Variants in COL21A1 observed in about 807,000 individuals in gnomAD.
The protein encoded by COL21A1 is collagen type XXI alpha 1 chain.
In COL21A1, 149 loss-of-function variants were observed where a neutral mutation model predicts 137.9. That is an observed-to-expected ratio of 1.08 (90% CI 0.95 to 1.24). The LOEUF is 1.24. Among genes scored for constraint, COL21A1 ranks in the 50% most tolerant of loss-of-function variants. The probability of loss-of-function intolerance (pLI) is 0.00; values close to 1 mark genes in which losing one functional copy is unlikely to be tolerated. For synonymous variants in COL21A1, 456 were observed against 391.5 expected (o/e 1.16, Z -1.95); for missense variants, 1,167 against 1,158.4 (o/e 1.01, Z -0.11).
intron 12 of COL21A1, among the ~76,000 whole-genome samples, chr6:56,130,521 A>G (rs1773476233): frequency 6.6e-6 from 1 of 152,104 alleles, no homozygotes; most frequent in South Asian, 2.1e-4. Flanking sequence ...TTAAGGCTGA[A>G]CAAAGTCCAA....
chr6:56,264,744 G>T (rs1298542907), intron 1 of COL21A1, among the ~76,000 whole-genome samples: 3 of 152,042 alleles, frequency 2.0e-5, no homozygotes, highest in African/African-American at 7.2e-5. Context: ...CCATTCTCCT[G>T]TACACCCTAA....
chr6:56,191,502 G>GA (rs1396786673), intron 1 of COL21A1, among the ~76,000 whole-genome samples: 1 of 147,792 alleles, frequency 6.8e-6, no homozygotes, highest in Non-Finnish European at 1.5e-5. Flanking sequence ...TGAGGCAGGA[G>GA]AAATGCTTGA....
At chr6:56,260,689 AAGGCAGGC>A (rs1299399802) in intron 1 of COL21A1, among the ~76,000 whole-genome samples, 5 of 104,808 alleles carry the variant, frequency 4.8e-5, no homozygotes, top group South Asian at 3.3e-4. Context: ...GGAAGGAAGG[AAGGCAGGC>A]AGGCAGGCAG....
intron 1 of COL21A1, among the ~76,000 whole-genome samples, chr6:56,336,406 A>G (rs919541759): frequency 6.6e-6 from 1 of 152,226 alleles, no homozygotes; most frequent in African/African-American, 2.4e-5. Context: ...TAATTAGTCT[A>G]TGTGGATACT....
At chr6:56,286,414 CATACAA>C (rs1763915703) in intron 1 of COL21A1, among the ~76,000 whole-genome samples, 1 of 152,142 alleles carries the variant, frequency 6.6e-6, no homozygotes, top group Non-Finnish European at 1.5e-5. Context: ...TACACGTACA[CATACAA>C]ATACCCATGC....
intron 1 of COL21A1, among the ~76,000 whole-genome samples, chr6:56,235,182 T>C (rs1204175493): frequency 1.3e-5 from 2 of 151,898 alleles, no homozygotes; most frequent in South Asian, 2.1e-4. Context: ...AATCTGTATA[T>C]GCAATAAAGA....
intron 1 of COL21A1, among the ~76,000 whole-genome samples, chr6:56,238,964 A>T (rs1782087357): frequency 6.6e-6 from 1 of 152,188 alleles, no homozygotes; most frequent in South Asian, 2.1e-4. Flanking sequence ...CCATACTATG[A>T]AGTAGGTCCT....
intron 1 of COL21A1, among the ~76,000 whole-genome samples, chr6:56,307,744 C>T (rs528850526): frequency 1.4e-4 from 22 of 152,260 alleles, no homozygotes; most frequent in East Asian, 7.8e-4. Flanking sequence ...ACCCGCTTTC[C>T]GACACTCCCC....
chr6:56,155,254 A>T (rs547983109), intron 10 of COL21A1, among the ~76,000 whole-genome samples: 10 of 152,350 alleles, frequency 6.6e-5, no homozygotes, highest in South Asian at 2.1e-4. Flanking sequence ...CTGTTTATCC[A>T]TCCTCTTCCC....
At chr6:56,388,550 G>C (rs2094023010) in intron 1 of COL21A1, among the ~76,000 whole-genome samples, 1 of 152,198 alleles carries the variant, frequency 6.6e-6, no homozygotes, top group Admixed American at 6.5e-5. Context: ...AGTGCTTCTG[G>C]ATTTGGGGAA....
chr6:56,198,739 C>T (rs1382726741), intron 1 of COL21A1, among the ~76,000 whole-genome samples: 3 of 152,032 alleles, frequency 2.0e-5, no homozygotes, highest in Non-Finnish European at 4.4e-5. Context: ...AGCTCATCTT[C>T]CTTCTCAGTA....
At chr6:56,196,600 A>G (rs562913900) in intron 1 of COL21A1, among the ~76,000 whole-genome samples, 1 of 152,228 alleles carries the variant, frequency 6.6e-6, no homozygotes, top group Admixed American at 6.5e-5. Flanking sequence ...TTAAGAAAGG[A>G]ATATAATTTA....
intron 1 of COL21A1, among the ~76,000 whole-genome samples, chr6:56,264,132 G>A (rs1181049679): frequency 2.6e-5 from 4 of 152,018 alleles, no homozygotes; most frequent in Non-Finnish European, 5.9e-5. Flanking sequence ...AGTCTCCTTG[G>A]AACTATTTAT....
chr6:56,389,014 A>G (rs933142350), intron 1 of COL21A1, among the ~76,000 whole-genome samples: 2 of 152,238 alleles, frequency 1.3e-5, no homozygotes, highest in African/African-American at 4.8e-5. Context: ...TCCCAAGAGC[A>G]GAATTGATCA....
chr6:56,337,495 C>T (rs11961222), intron 1 of COL21A1, among the ~76,000 whole-genome samples: 24,985 of 152,216 alleles, frequency 0.16, 2,918 homozygotes, highest in African/African-American at 0.33. Flanking sequence ...GTTCTTAATT[C>T]TTATTCTCAA....
At chr6:56,106,628 T>C (rs888489724) in intron 16 of COL21A1, among the ~76,000 whole-genome samples, 4 of 152,044 alleles carry the variant, frequency 2.6e-5, no homozygotes, top group Admixed American at 6.6e-5. Context: ...CAGGTCAAAA[T>C]ATATACAGGA....
chr6:56,058,914 G>T (rs1387421296), intron 29 of COL21A1, among the ~76,000 whole-genome samples: 3 of 152,112 alleles, frequency 2.0e-5, no homozygotes, highest in Non-Finnish European at 4.4e-5. Flanking sequence ...TGACTAAAAT[G>T]ATTCTAGAAC....
At chr6:56,304,684 C>T (rs1386320415) in intron 1 of COL21A1, among the ~76,000 whole-genome samples, 1 of 152,262 alleles carries the variant, frequency 6.6e-6, no homozygotes, top group Non-Finnish European at 1.5e-5. Context: ...AAAAAACCAG[C>T]TCCTGGATTC....
At chr6:56,324,960 G>A (rs1312554653) in intron 1 of COL21A1, among the ~76,000 whole-genome samples, 1 of 151,708 alleles carries the variant, frequency 6.6e-6, no homozygotes, top group Non-Finnish European at 1.5e-5. Context: ...CTCTGAAGAT[G>A]AAGGGTCACA....
Sources: gnomAD v4.1 joint callset for allele counts (sites outside exome capture counted in the v4.1 genomes callset) on GRCh38, gnomAD v4.1.1 for gene constraint, MANE v1.5 for transcripts, NCBI Gene and HGNC (gene_info 2026-07-23, HGNC 2026-07-21) for gene names.